Variants in RYR3 observed in about 807,000 individuals in gnomAD.
The protein encoded by RYR3 is ryanodine receptor 3, also known as brain ryanodine receptor-calcium release channel.
Under a neutral mutation model 584.3 loss-of-function variants are expected in RYR3, and 207 were observed. The observed-to-expected ratio is 0.35, with a 90% CI of 0.32 to 0.40. The LOEUF is 0.40. Among genes scored for constraint, RYR3 ranks in the 10% least tolerant of loss-of-function variants. The probability of loss-of-function intolerance (pLI) is 1.00; values close to 1 mark genes in which losing one functional copy is unlikely to be tolerated. For missense variants in RYR3, 5,616 were observed against 6,089.2 expected, an observed-to-expected ratio of 0.92 and a Z score of 2.59; for synonymous variants, 2,416 against 2,248.5, an observed-to-expected ratio of 1.07 and a Z score of -2.11.
At chr15:33,578,613 G>A (rs186611500) in intron 12 of RYR3, among the ~76,000 whole-genome samples, 10 of 152,158 alleles carry the variant, frequency 6.6e-5, no homozygotes, top group Admixed American at 6.5e-5. Context: ...GTCGAGGGGT[G>A]GGGGGTAGGA....
intron 1 of RYR3, among the ~76,000 whole-genome samples, chr15:33,363,815 G>T (rs1975100810): frequency 6.6e-6 from 1 of 152,112 alleles, no homozygotes; most frequent in African/African-American, 2.4e-5. Flanking sequence ...TGGGTCCTGA[G>T]CATTTGAAAT....
At chr15:33,825,904 T>G in intron 82 of RYR3, 1 of 506,150 alleles carries the variant, frequency 2.0e-6, no homozygotes, top group Non-Finnish European at 3.5e-6. Flanking sequence ...AGCTAATTTT[T>G]TGTATTTTTA....
At chr15:33,854,574 G>C in intron 97 of RYR3, 125 bp downstream of exon 97, 1 of 1,050,574 alleles carries the variant, frequency 9.5e-7, no homozygotes, top group Non-Finnish European at 1.4e-6. Flanking sequence ...AGCCTTATAC[G>C]TGCTGGGGGA....
intron 19 of RYR3, among the ~76,000 whole-genome samples, chr15:33,621,860 A>G (rs1049654318): frequency 1.3e-5 from 2 of 152,180 alleles, no homozygotes; most frequent in African/African-American, 4.8e-5. Flanking sequence ...CACTGAGAAT[A>G]TCTTGTAAGG....
chr15:33,387,707 T>C (rs1360397215), intron 1 of RYR3, among the ~76,000 whole-genome samples: 2 of 151,306 alleles, frequency 1.3e-5, no homozygotes, highest in African/African-American at 4.8e-5. Flanking sequence ...TTTTTTCTTA[T>C]GATTCTCAGA....
intron 20 of RYR3, 31 bp from the exon 21 acceptor site, chr15:33,628,440 C>T (rs546702954): frequency 8.2e-6 from 12 of 1,461,268 alleles, no homozygotes; most frequent in South Asian, 5.7e-5. Context: ...TCAAAACAAT[C>T]GATTCTTTTC....
At chr15:33,636,804 C>G (rs895092668) in intron 27 of RYR3, among the ~76,000 whole-genome samples, 2 of 152,192 alleles carry the variant, frequency 1.3e-5, no homozygotes, top group African/African-American at 4.8e-5. Flanking sequence ...AATTCCCTCC[C>G]CTGTGTCTTG....
At chr15:33,583,886 T>C (rs561140103) in intron 14 of RYR3, among the ~76,000 whole-genome samples, 1 of 152,206 alleles carries the variant, frequency 6.6e-6, no homozygotes, top group East Asian at 1.9e-4. Flanking sequence ...GCCCTGTCTC[T>C]ACTAAAAATA....
At chr15:33,649,709 A>T (rs1323443874) in intron 31 of RYR3, among the ~76,000 whole-genome samples, 1 of 152,242 alleles carries the variant, frequency 6.6e-6, no homozygotes, top group Admixed American at 6.5e-5. Flanking sequence ...TTGAAACTTC[A>T]TGAATAATAA....
At chr15:33,844,386 T>A (rs962661013) in intron 92 of RYR3, among the ~76,000 whole-genome samples, 2 of 152,192 alleles carry the variant, frequency 1.3e-5, no homozygotes, top group Non-Finnish European at 2.9e-5. Context: ...AGTTGTAGAT[T>A]TGAGAGTCAT....
intron 32 of RYR3, among the ~76,000 whole-genome samples, chr15:33,657,140 T>G (rs1027926855): frequency 9.9e-5 from 15 of 152,194 alleles, no homozygotes; most frequent in African/African-American, 3.4e-4. Context: ...GAAGAGACAT[T>G]TCCTTTGTTT....
rs1435100 is a variant in RYR3, at chr15:33,548,213, A to G, written c.815+9A>G. ...GAACCCCTTCGGATAAGGTAATGGA[A>G]GGCCTGGGAATGCCCTTTTCAAGAT... On this transcript the variant is annotated intron_variant, in intron 9 of 103. Coordinates refer to ENST00000634891, the MANE Select transcript of RYR3 (RefSeq NM_001036.6). 0.85 allele frequency: 1,338,359 copies of G among 1,582,310 alleles called. 569,981 individuals carry two copies. Among genetic ancestry groups the G allele is most frequent in the African/African-American group, 0.97 (72,482 of 74,372 alleles).
intron 98 of RYR3, 102 bp downstream of exon 98, chr15:33,855,014 G>A: frequency 8.4e-7 from 1 of 1,193,900 alleles, no homozygotes; most frequent in Non-Finnish European, 1.1e-6. Context: ...ATATGTCTTG[G>A]TATATAATGT....
At chr15:33,668,828 A>C (rs552446519) in intron 36 of RYR3, among the ~76,000 whole-genome samples, 1 of 152,260 alleles carries the variant, frequency 6.6e-6, no homozygotes, top group South Asian at 2.1e-4. Flanking sequence ...AGAGACATGA[A>C]AAAAAATTAT....
chr15:33,863,943 G>T (rs1480356012), intron 102 of RYR3, among the ~76,000 whole-genome samples, 195 bp from the exon 103 acceptor site: 1 of 152,138 alleles, frequency 6.6e-6, no homozygotes, highest in African/African-American at 2.4e-5. Context: ...TCACAAAGTG[G>T]CTAATTTTGA....
At chr15:33,788,649 G>A (rs2074895005) in intron 67 of RYR3, among the ~76,000 whole-genome samples, 191 bp downstream of exon 67, 1 of 152,200 alleles carries the variant, frequency 6.6e-6, no homozygotes, top group South Asian at 2.1e-4. Context: ...CTGGAGCAAT[G>A]ATTCTGTATG....
intron 101 of RYR3, 75 bp from the exon 102 acceptor site, chr15:33,861,003 G>A (rs1026382347): frequency 2.6e-5 from 30 of 1,145,750 alleles, no homozygotes; most frequent in Non-Finnish European, 3.5e-5. Flanking sequence ...CCTTCAATTC[G>A]ATAGAATCAT....
chr15:33,383,863 G>A (rs1204060199), intron 1 of RYR3, among the ~76,000 whole-genome samples: 4 of 152,154 alleles, frequency 2.6e-5, no homozygotes, highest in Admixed American at 2.6e-4. Context: ...GTCAACTTAG[G>A]TGCCCATCAA....
In RYR3 at chr15:33,852,869, C is replaced by T. The variant is rs1049393938; in HGVS notation, c.13629-176C>T. 2.9e-5 allele frequency: 17 copies of T among 594,634 alleles called. No individual in the cohort carries two copies. The African/African-American group carries it at 3.2e-4, about 11-fold the overall frequency. 36.8% of individuals were successfully genotyped at this position (594,634 alleles called of 1,614,324 possible). Reference sequence around the variant, plus strand: ...GCCAATACAAAGTAATGAAGCCATACATGACTCAGTAGAGCCTGTGATGAC... The same window carrying T: ...GCCAATACAAAGTAATGAAGCCATATATGACTCAGTAGAGCCTGTGATGAC... On this transcript the variant is annotated intron_variant, in intron 94 of 103. Transcript: ENST00000634891.
Sources: allele counts gnomAD v4.1 joint callset (sites outside exome capture counted in the v4.1 genomes callset), GRCh38; gene constraint gnomAD v4.1.1; transcripts MANE v1.5; gene names NCBI Gene and HGNC (gene_info 2026-07-23, HGNC 2026-07-21).